Variants in CC2D2B observed in about 807,000 individuals in gnomAD.
CC2D2B encodes coiled-coil and C2 domain containing 2B.
CC2D2B carries 128 observed loss-of-function variants against 161.2 expected under a neutral mutation model. That is an observed-to-expected ratio of 0.79 (90% CI 0.69 to 0.92). CC2D2B has a LOEUF of 0.92. Ranked by LOEUF, CC2D2B falls within the 40% of genes least tolerant of loss-of-function variation. CC2D2B has a pLI of 0.00. For missense variants in CC2D2B, 1,173 were observed against 1,375.1 expected (o/e 0.85, Z 2.32); for synonymous variants, 391 against 449.8 (o/e 0.87, Z 1.65).
At position 96,019,261 on chromosome 10, in the gene CC2D2B, C is replaced by T. The variant is rs1564676996; in HGVS notation, c.3689C>T (p.Ser1230Leu). 1 of 1,612,722 alleles carries T rather than the reference C, an allele frequency of 6.2e-7. No individual in the cohort carries two copies. Among genetic ancestry groups the T allele is most frequent in the African/African-American group, 1.3e-5 (1 of 74,862 alleles). ...ETNEYLLWNP[S>L]TGQCYKQFDP... The stretch of plus-strand genomic sequence containing the variant: ...AATGAATATTTGCTTTGGAATCCAT[C>T]AACTGGCCAATGTTATAAGCAGTTT... Residue 1230 changes from serine to leucine, a missense_variant, in exon 31 of 35, where the codon TCA becomes TTA. By Grantham distance (145) the Ser-to-Leu change is moderately radical. This residue lies in a region of CC2D2B where 598 missense variants were observed against 693.2 expected (regional missense o/e 0.86). Coordinates refer to ENST00000646931, the MANE Select transcript of CC2D2B (RefSeq NM_001349008.3).
Position 96,031,897 on chromosome 10 carries a change from C to G in CC2D2B, c.4203C>G (p.His1401Gln), listed in dbSNP as rs767187225. The part of the protein sequence containing the change: ...IIDAVYQTGI[H>Q]SAEFPQTEFA... ...ATGCTGTTTATCAAACTGGAATTCA[C>G]TCTGCTGAATTTCCCCAGACAGAAT... Residue 1401 changes from histidine (H) to glutamine (Q), a missense_variant, in exon 35 of 35, where the codon CAC becomes CAG. Physicochemically the swap from His to Gln is conservative, Grantham distance 24 (BLOSUM62 0). This residue lies in a region of CC2D2B where 598 missense variants were observed against 693.2 expected (regional missense o/e 0.86). Coordinates refer to ENST00000646931, the MANE Select transcript of CC2D2B (RefSeq NM_001349008.3). 6.2e-7 allele frequency: 1 copy of G among 1,613,092 alleles called. No homozygotes were observed.
At chr10:96,013,950 A>G (rs923708353) in intron 29 of CC2D2B, 73 bp downstream of exon 29, 1 of 610,694 alleles carries the variant, frequency 1.6e-6, no homozygotes. Context: ...TAAAAATATT[A>G]TGTATTTATG....
rs1404068463 is a variant in CC2D2B, at chr10:96,013,774, G to GA, written c.3427-12dup. 2 of 1,526,442 alleles carry GA rather than the reference G, an allele frequency of 1.3e-6. No homozygotes were observed. Among genetic ancestry groups the GA allele is most frequent in the East Asian group, 4.6e-5 (2 of 43,590 alleles). 94.6% of individuals were successfully genotyped at this position (1,526,442 alleles called of 1,614,324 possible). On this transcript the variant is annotated splice_polypyrimidine_tract_variant and intron_variant, in intron 28 of 34. Transcript: ENST00000646931. ...CATACAGCACACACTCAATAAATGT[G>GA]AATATTATTCTAGGACCTCATTGCT...
At chr10:95,993,946 G>C in intron 22 of CC2D2B, among the ~76,000 whole-genome samples, 1 of 29,006 alleles carries the variant, frequency 3.4e-5, no homozygotes, top group Non-Finnish European at 8.3e-5. Flanking sequence ...GTGTGTGTAT[G>C]TATGTGTATA....
intron 3 of CC2D2B, among the ~76,000 whole-genome samples, chr10:95,922,615 A>G (rs746684276): frequency 1.3e-5 from 2 of 152,312 alleles, no homozygotes; most frequent in South Asian, 2.1e-4. Flanking sequence ...ACAAACTTCT[A>G]TGTAACCTTT....
At chr10:95,993,950 G>C in intron 22 of CC2D2B, among the ~76,000 whole-genome samples, 1 of 13,718 alleles carries the variant, frequency 7.3e-5, no homozygotes. Flanking sequence ...GTGTATGTAT[G>C]TGTATATATA....
intron 16 of CC2D2B, among the ~76,000 whole-genome samples, chr10:95,972,950 G>A (rs1005144985): frequency 6.6e-6 from 1 of 152,052 alleles, no homozygotes; most frequent in Non-Finnish European, 1.5e-5. Flanking sequence ...AGAAAGAAGG[G>A]ATGTTTCTGT....
At position 96,027,232 on chromosome 10, in the gene CC2D2B, G is replaced by A. The variant is rs1419976543; in HGVS notation, c.3968G>A (p.Ser1323Asn). The A allele has an allele frequency of 2.6e-6, 4 of 1,544,900 alleles. No individual in the cohort carries two copies. In the African/African-American group the frequency reaches 5.5e-5, roughly 21 times the overall value. The stretch of plus-strand genomic sequence containing the variant: ...CTTAGGATCGAAAGGACTCTGAAGA[G>A]TAAAGTGATGGAATGGCGACCTAAA... ...LRNRIERTLKSKVMEWRPKHP... is the reference protein window; with the variant it reads ...LRNRIERTLKNKVMEWRPKHP... Residue 1323 changes from serine (S) to asparagine (N), a missense_variant, in exon 34 of 35, where the codon AGT becomes AAT. Coordinates refer to ENST00000646931, the MANE Select transcript of CC2D2B (RefSeq NM_001349008.3).
At chr10:96,002,332 T>C (rs2078535167) in intron 24 of CC2D2B, among the ~76,000 whole-genome samples, 1 of 152,060 alleles carries the variant, frequency 6.6e-6, no homozygotes, top group Non-Finnish European at 1.5e-5. Flanking sequence ...TTTTAGTGAA[T>C]AAAAACCACA....
intron 9 of CC2D2B, among the ~76,000 whole-genome samples, chr10:95,939,478 A>T (rs922205386): frequency 7.4e-6 from 1 of 135,598 alleles, no homozygotes; most frequent in African/African-American, 2.6e-5. Context: ...CTGTGTGTGT[A>T]TGCATTTTCT....
chr10:95,924,508 C>G (rs933430108), intron 4 of CC2D2B, 118 bp downstream of exon 4: 13 of 591,112 alleles, frequency 2.2e-5, no homozygotes, highest in Non-Finnish European at 3.8e-5. Flanking sequence ...TCCTTAATTC[C>G]TAAAGTCTTC....
intron 5 of CC2D2B, among the ~76,000 whole-genome samples, chr10:95,926,689 A>G (rs572681096): frequency 1.3e-5 from 2 of 152,232 alleles, no homozygotes; most frequent in African/African-American, 4.8e-5. Context: ...TGATTTATCA[A>G]TTCAAAGAGT....
Position 96,027,198 on chromosome 10 carries a change from G to C in CC2D2B, c.3948-14G>C. Reference sequence around the variant, plus strand: ...ATAACTTGTCATAAAATTACCTTTGGATTCTTACCTTAGGATCGAAAGGAC... The same window carrying C: ...ATAACTTGTCATAAAATTACCTTTGCATTCTTACCTTAGGATCGAAAGGAC... On this transcript the variant is annotated splice_polypyrimidine_tract_variant and intron_variant, in intron 33 of 34. Transcript: ENST00000646931. 6.7e-7 allele frequency: 1 copy of C among 1,487,186 alleles called. No homozygotes were observed. The highest frequency in any genetic ancestry group is 9.0e-7 in the Non-Finnish European group (1 of 1,113,358). 92.1% of individuals were successfully genotyped at this position (1,487,186 alleles called of 1,614,324 possible).
chr10:96,005,033 C>G (rs2141810733), intron 25 of CC2D2B, among the ~76,000 whole-genome samples: 1 of 152,292 alleles, frequency 6.6e-6, no homozygotes, highest in Non-Finnish European at 1.5e-5. Flanking sequence ...ATACAACACA[C>G]ATTCTTATTA....
chr10:96,025,192 A>T (rs867856335), intron 33 of CC2D2B, among the ~76,000 whole-genome samples: 2,593 of 48,910 alleles, frequency 0.053, 175 homozygotes, highest in East Asian at 0.21. Context: ...TATAAAAAAA[A>T]ATATATATAT....
chr10:96,008,951 C>G (rs1430094154), intron 25 of CC2D2B, among the ~76,000 whole-genome samples: 3 of 151,966 alleles, frequency 2.0e-5, no homozygotes, highest in African/African-American at 7.2e-5. Context: ...TTTTGCAACT[C>G]TGTTTGTAGG....
chr10:95,968,983 A>G (rs2141475004), intron 15 of CC2D2B, 82 bp downstream of exon 15: 2 of 567,580 alleles, frequency 3.5e-6, no homozygotes, highest in Admixed American at 4.4e-5. Flanking sequence ...GTTATATGTG[A>G]TAAGTAATTT....
chr10:95,950,725 C>G (rs1269655226), intron 10 of CC2D2B, among the ~76,000 whole-genome samples: 1 of 152,176 alleles, frequency 6.6e-6, no homozygotes, highest in African/African-American at 2.4e-5. Flanking sequence ...ATGAAACATT[C>G]AATCCTGATG....
chr10:95,933,064 A>G (rs1221483096), intron 6 of CC2D2B, among the ~76,000 whole-genome samples: 1 of 151,862 alleles, frequency 6.6e-6, no homozygotes, highest in Non-Finnish European at 1.5e-5. Context: ...TATTTCTTAG[A>G]GGCTTTGTTC....
Sources: allele counts gnomAD v4.1 joint callset (sites outside exome capture counted in the v4.1 genomes callset), GRCh38; gene constraint gnomAD v4.1.1; regional missense constraint gnomAD v4.1.1; transcripts MANE v1.5; gene names NCBI Gene and HGNC (gene_info 2026-07-23, HGNC 2026-07-21).